The following LRP1B variants were observed in gnomAD, a reference collection of about 807,000 sequenced individuals.
LRP1B encodes low-density lipoprotein receptor-related protein 1B.
A neutral mutation model predicts 556.6 loss-of-function variants in LRP1B; 217 were observed. The observed-to-expected ratio is 0.39, with a 90% CI of 0.35 to 0.44. The LOEUF (loss-of-function observed/expected upper bound fraction) is 0.44, where lower values mean the gene tolerates loss of function less well. Among genes scored for constraint, LRP1B ranks in the 20% least tolerant of loss-of-function variants. The pLI, the probability that LRP1B is intolerant of heterozygous loss-of-function variation, is 1.00. For missense variants in LRP1B, 5,053 were observed against 5,620.8 expected (o/e 0.90, Z 3.23); for synonymous variants, 2,047 against 1,865.8 (o/e 1.10, Z -2.50).
intron 3 of LRP1B, among the ~76,000 whole-genome samples, chr2:141,287,118 T>C (rs1685750558): frequency 6.6e-6 from 1 of 152,158 alleles, no homozygotes; most frequent in Admixed American, 6.5e-5. Context: ...TAGGAGTTTA[T>C]TCATTTTATT....
chr2:140,556,109 G>A (rs887793222), intron 43 of LRP1B, among the ~76,000 whole-genome samples: 5 of 152,080 alleles, frequency 3.3e-5, no homozygotes, highest in South Asian at 2.1e-4. Context: ...TGTCTCCAAC[G>A]GGGCTCAGGA....
chr2:140,509,122 T>G (rs1574019490), intron 52 of LRP1B, among the ~76,000 whole-genome samples: 1 of 148,736 alleles, frequency 6.7e-6, no homozygotes, highest in East Asian at 2.0e-4. Flanking sequence ...ACACTTATAT[T>G]ATGGCTTCAA....
chr2:141,901,285 T>C (rs565463946), intron 1 of LRP1B, among the ~76,000 whole-genome samples: 2 of 152,076 alleles, frequency 1.3e-5, no homozygotes, highest in Admixed American at 6.6e-5. Context: ...TGAGTAAGAA[T>C]GGAGGAAACT....
chr2:141,563,405 G>A (rs981061073), intron 2 of LRP1B, among the ~76,000 whole-genome samples: 3 of 151,874 alleles, frequency 2.0e-5, no homozygotes, highest in Admixed American at 6.6e-5. Context: ...GAACCTCCAA[G>A]TACACTCCTC....
intron 7 of LRP1B, among the ~76,000 whole-genome samples, chr2:141,176,752 ACTCT>A (rs1209575378): frequency 6.6e-6 from 1 of 152,072 alleles, no homozygotes; most frequent in African/African-American, 2.4e-5. Flanking sequence ...AAAATGACTC[ACTCT>A]AAGTAAAATA....
chr2:141,650,231 C>A (rs779433795), intron 2 of LRP1B, among the ~76,000 whole-genome samples: 13 of 152,050 alleles, frequency 8.5e-5, no homozygotes, highest in African/African-American at 3.1e-4. Flanking sequence ...TGTATATAAC[C>A]CTGTCCCTTT....
intron 6 of LRP1B, among the ~76,000 whole-genome samples, chr2:141,219,729 A>T (rs1444509998): frequency 6.6e-6 from 1 of 152,236 alleles, no homozygotes; most frequent in East Asian, 1.9e-4. Flanking sequence ...CAGAGGAAGG[A>T]ACAGGAAGCC....
chr2:140,750,490 A>G (rs563277401), intron 35 of LRP1B, among the ~76,000 whole-genome samples: 3 of 152,346 alleles, frequency 2.0e-5, no homozygotes, highest in South Asian at 2.1e-4. Context: ...GTGTGCATAT[A>G]TATCTATATC....
At chr2:141,806,662 A>C (rs1183619767) in intron 2 of LRP1B, among the ~76,000 whole-genome samples, 2 of 152,074 alleles carry the variant, frequency 1.3e-5, no homozygotes, top group Admixed American at 1.3e-4. Context: ...CCTGGGCACA[A>C]ACACACACAG....
At chr2:141,473,660 C>T (rs1184667278) in intron 3 of LRP1B, among the ~76,000 whole-genome samples, 4 of 152,140 alleles carry the variant, frequency 2.6e-5, no homozygotes, top group Non-Finnish European at 5.9e-5. Flanking sequence ...GTGTTCTGAG[C>T]TCACAAACCT....
intron 41 of LRP1B, among the ~76,000 whole-genome samples, chr2:140,645,131 C>T (rs986870385): frequency 3.3e-5 from 5 of 151,956 alleles, no homozygotes; most frequent in Non-Finnish European, 7.4e-5. Context: ...TTTTTTCGGT[C>T]TAATTTGGAT....
At chr2:141,736,954 TG>T (rs1693491834) in intron 2 of LRP1B, among the ~76,000 whole-genome samples, 1 of 152,202 alleles carries the variant, frequency 6.6e-6, no homozygotes, top group East Asian at 1.9e-4. Flanking sequence ...AGATTTCCTC[TG>T]GCCTCTCAGA....
chr2:140,827,746 A>G (rs1691559124), intron 31 of LRP1B, among the ~76,000 whole-genome samples: 1 of 152,144 alleles, frequency 6.6e-6, no homozygotes, highest in South Asian at 2.1e-4. Flanking sequence ...AAAGATAAAA[A>G]TATCTAGTTA....
At position 141,758,811 on chromosome 2, in the gene LRP1B, C is replaced by G. The variant is rs1041976780; in HGVS notation, c.205+51468G>C. On this transcript the variant is annotated intron_variant, in intron 2 of 90. Coordinates refer to ENST00000389484, the MANE Select transcript of LRP1B (RefSeq NM_018557.3). ...TTTCTATGTGATCATTAAAAAGTGT[C>G]TCATTTAAAATATTTTGAAGAAAAG... is the stretch of plus-strand genomic sequence containing the variant. 1.4e-4 allele frequency among the ~76,000 whole-genome samples: 21 copies of G among 151,998 alleles called. 1 individual carries two copies. The highest frequency in any genetic ancestry group is 4.6e-4 in the African/African-American group (19 of 41,408).
chr2:140,724,918 A>C (rs2380914), intron 35 of LRP1B, among the ~76,000 whole-genome samples: 24,451 of 152,074 alleles, frequency 0.16, 2,040 homozygotes, highest in South Asian at 0.2. Flanking sequence ...TTTCTTCTTT[A>C]AAGGTCAGAA....
chr2:141,868,803 C>A (rs1285146187), intron 1 of LRP1B, among the ~76,000 whole-genome samples: 1 of 151,978 alleles, frequency 6.6e-6, no homozygotes, highest in South Asian at 2.1e-4. Flanking sequence ...TGGCAGTCAC[C>A]TTTAGATGTG....
chr2:140,601,345 C>T, intron 42 of LRP1B, 105 bp downstream of exon 42: 1 of 1,013,474 alleles, frequency 9.9e-7, no homozygotes, highest in Non-Finnish European at 1.3e-6. Flanking sequence ...AATAAAACTT[C>T]AAATAAAAAC....
At chr2:140,612,724 CCAAA>C (rs772302384) in intron 41 of LRP1B, among the ~76,000 whole-genome samples, 5 of 152,094 alleles carry the variant, frequency 3.3e-5, no homozygotes, top group Non-Finnish European at 5.9e-5. Context: ...AGCTGGCCTA[CCAAA>C]CAATGAACAA....
At chr2:140,852,770 C>T (rs1692498537) in intron 27 of LRP1B, among the ~76,000 whole-genome samples, 1 of 152,020 alleles carries the variant, frequency 6.6e-6, no homozygotes, top group Non-Finnish European at 1.5e-5. Context: ...TTTTGCAGCT[C>T]AATGTCATTC....
Sources: allele counts gnomAD v4.1 joint callset (sites outside exome capture counted in the v4.1 genomes callset), GRCh38; gene constraint gnomAD v4.1.1; transcripts MANE v1.5; gene names NCBI Gene and HGNC (gene_info 2026-07-23, HGNC 2026-07-21).